The following CRIM1 variants were observed in gnomAD, a reference collection of about 807,000 sequenced individuals.
The protein encoded by CRIM1 is cysteine rich transmembrane BMP regulator 1.
A neutral mutation model predicts 116.4 loss-of-function variants in CRIM1; 32 were observed. The observed-to-expected ratio is 0.27, with a 90% CI of 0.21 to 0.37. CRIM1 has a LOEUF of 0.37. CRIM1 is among the 10% of genes least tolerant of loss of function. CRIM1 has a pLI of 1.00. For synonymous variants in CRIM1, 590 were observed against 509.2 expected, an observed-to-expected ratio of 1.16 and a Z score of -2.13; for missense variants, 1,331 against 1,354.8, an observed-to-expected ratio of 0.98 and a Z score of 0.28.
chr2:36,514,078 A>G (rs914101112), intron 11 of CRIM1, among the ~76,000 whole-genome samples: 3 of 152,216 alleles, frequency 2.0e-5, no homozygotes, highest in African/African-American at 7.2e-5. Context: ...CCAGCTCTCC[A>G]TTTTATTGAT....
chr2:36,393,818 C>T (rs1572632085), intron 1 of CRIM1, among the ~76,000 whole-genome samples: 2 of 152,280 alleles, frequency 1.3e-5, no homozygotes, highest in Admixed American at 6.5e-5. Flanking sequence ...CTCAAGTGTG[C>T]CTAGAGCATT....
chr2:36,502,933 T>G (rs1456088750), intron 8 of CRIM1, among the ~76,000 whole-genome samples: 2 of 152,220 alleles, frequency 1.3e-5, no homozygotes. Flanking sequence ...TATTTTGGAT[T>G]CTTCTTAAAG....
At chr2:36,396,504 AT>A in intron 1 of CRIM1, 109 bp from the exon 2 acceptor site, 1 of 638,422 alleles carries the variant, frequency 1.6e-6, no homozygotes, top group Non-Finnish European at 2.6e-6. Context: ...TCACAAATTG[AT>A]TTGTCAAAAT....
chr2:36,459,240 C>G (rs1194233711), intron 4 of CRIM1, among the ~76,000 whole-genome samples: 1 of 152,088 alleles, frequency 6.6e-6, no homozygotes, highest in Non-Finnish European at 1.5e-5. Context: ...GAGCCGCTCC[C>G]CAAACCTGCA....
chr2:36,435,560 C>T (rs1425329791), intron 2 of CRIM1, among the ~76,000 whole-genome samples: 1 of 151,890 alleles, frequency 6.6e-6, no homozygotes, highest in African/African-American at 2.4e-5. Flanking sequence ...TAAGCAGAAG[C>T]TCTTGCATGC....
chr2:36,457,878 T>A (rs1473737248), intron 4 of CRIM1, among the ~76,000 whole-genome samples: 1 of 152,208 alleles, frequency 6.6e-6, no homozygotes, highest in African/African-American at 2.4e-5. Context: ...GTTTTATATG[T>A]CATTATAATT....
In CRIM1 at chr2:36,537,664, G is replaced by A. The variant is rs1024663845; in HGVS notation, c.2623+118G>A. ...TTCACACGGCCCAAGTAGCGTGTCA[G>A]GCCCAGTTAGCGCCTCCACCCAAAG... On this transcript the variant is annotated intron_variant, in intron 14 of 16. Coordinates refer to ENST00000280527, the MANE Select transcript of CRIM1 (RefSeq NM_016441.3). The A allele has an allele frequency of 3.5e-6, 4 of 1,147,408 alleles. No homozygotes were observed. The African/African-American group carries it at 6.3e-5, about 18-fold the overall frequency. The allele number at this position is 1,147,408 out of a possible 1,614,324, so 71.1% of individuals were successfully genotyped here.
intron 6 of CRIM1, among the ~76,000 whole-genome samples, chr2:36,478,091 T>G (rs1188724422): frequency 6.6e-6 from 1 of 152,202 alleles, no homozygotes; most frequent in Non-Finnish European, 1.5e-5. Flanking sequence ...TTCCTCATTT[T>G]CATAAAATTT....
intron 2 of CRIM1, among the ~76,000 whole-genome samples, chr2:36,397,118 G>C (rs1672086283): frequency 6.6e-6 from 1 of 152,156 alleles, no homozygotes; most frequent in African/African-American, 2.4e-5. Flanking sequence ...TTTACCGTAG[G>C]ATGGTGCTCC....
intron 1 of CRIM1, among the ~76,000 whole-genome samples, chr2:36,389,324 G>A (rs1007560687): frequency 6.6e-6 from 1 of 152,196 alleles, no homozygotes. Context: ...CCTGATAACA[G>A]CCAGCCAGGA....
chr2:36,393,069 G>A (rs1671738041), intron 1 of CRIM1, among the ~76,000 whole-genome samples: 1 of 152,188 alleles, frequency 6.6e-6, no homozygotes, highest in African/African-American at 2.4e-5. Flanking sequence ...TGAGGGAAAT[G>A]GTCTTCCTGT....
At chr2:36,537,567 C>T in intron 14 of CRIM1, 21 bp downstream of exon 14, 1 of 1,574,710 alleles carries the variant, frequency 6.4e-7, no homozygotes, top group South Asian at 1.2e-5. Context: ...CACCATCCTT[C>T]CATTTGTCAA....
intron 4 of CRIM1, among the ~76,000 whole-genome samples, chr2:36,447,387 C>T (rs1300038260): frequency 6.6e-6 from 1 of 152,144 alleles, no homozygotes; most frequent in Non-Finnish European, 1.5e-5. Flanking sequence ...ATACGTGTTT[C>T]AGTTATTCAC....
intron 6 of CRIM1, 29 bp downstream of exon 6, chr2:36,477,100 C>G (rs1490876379): frequency 6.5e-7 from 1 of 1,537,170 alleles, no homozygotes; most frequent in Admixed American, 1.8e-5. Flanking sequence ...TACAGATTAA[C>G]AGGAGCATAC....
At chr2:36,425,256 C>T (rs1421372718) in intron 2 of CRIM1, among the ~76,000 whole-genome samples, 1 of 152,104 alleles carries the variant, frequency 6.6e-6, no homozygotes, top group African/African-American at 2.4e-5. Context: ...TAATGTGGTT[C>T]CCAGCCTTAA....
At chr2:36,382,927 T>C (rs1380530577) in intron 1 of CRIM1, among the ~76,000 whole-genome samples, 2 of 152,230 alleles carry the variant, frequency 1.3e-5, no homozygotes, top group East Asian at 3.8e-4. Flanking sequence ...TTGGGAGTTG[T>C]CTGCATTTGG....
intron 8 of CRIM1, among the ~76,000 whole-genome samples, chr2:36,500,256 G>A (rs1258714613): frequency 6.6e-6 from 1 of 152,124 alleles, no homozygotes; most frequent in Non-Finnish European, 1.5e-5. Flanking sequence ...GCTTGAGCCT[G>A]GTGGGGCAAA....
intron 13 of CRIM1, 80 bp from the exon 14 acceptor site, chr2:36,537,272 A>G (rs370640221): frequency 7.7e-6 from 10 of 1,295,932 alleles, no homozygotes; most frequent in African/African-American, 7.2e-5. Context: ...ATACAAAGCT[A>G]TCCCTTGATC....
chr2:36,472,384 T>C (rs573280812), intron 5 of CRIM1, among the ~76,000 whole-genome samples: 1 of 152,292 alleles, frequency 6.6e-6, no homozygotes, highest in Admixed American at 6.5e-5. Context: ...TCAAACAGAT[T>C]TCATTGTGTT....
Sources: gnomAD v4.1 joint callset for allele counts (sites outside exome capture counted in the v4.1 genomes callset) on GRCh38, gnomAD v4.1.1 for gene constraint, MANE v1.5 for transcripts, NCBI Gene and HGNC (gene_info 2026-07-23, HGNC 2026-07-21) for gene names.